The following SLC25A52 variants were observed in gnomAD, a reference collection of about 807,000 sequenced individuals.
SLC25A52 encodes the protein mitochondrial nicotinamide adenine dinucleotide transporter SLC25A52.
SLC25A52 carries 12 observed loss-of-function variants against 17.7 expected under a neutral mutation model. The ratio of observed to expected loss-of-function variants is 0.68; its 90% CI spans 0.43 to 1.10. SLC25A52 has a LOEUF of 1.10. Ranked by LOEUF, SLC25A52 falls within the 50% of genes least tolerant of loss-of-function variation. SLC25A52 has a pLI of 0.00. For missense variants in SLC25A52, 298 were observed against 364.9 expected (o/e 0.82, Z 1.49); for synonymous variants, 108 against 135.1 (o/e 0.80, Z 1.39).
At position 31,759,916 on chromosome 18, in the gene SLC25A52, G is replaced by A. The variant is rs1322750621; in HGVS notation, c.746C>T (p.Ser249Phe). Residue 249 changes from serine (S) to phenylalanine (F), a missense_variant, in exon 1 of 1, where the codon TCT (serine) becomes TTT (phenylalanine). Physicochemically the swap from Ser to Phe is radical, Grantham distance 155. Coordinates refer to ENST00000269205, the MANE Select transcript of SLC25A52 (RefSeq NM_001034172.4). ...LQSQIGGEFQ[S>F]FPKVFQKIWL... ...GATTTTTTGGAAAACCTTGGGGAAAGACTGAAATTCCCCACCAATCTGAGA... is the reference window on the plus strand; with the variant it reads ...GATTTTTTGGAAAACCTTGGGGAAAAACTGAAATTCCCCACCAATCTGAGA... 2.5e-6 allele frequency: 4 copies of A among 1,612,002 alleles called. No individual in the cohort carries two copies. In the South Asian group the frequency reaches 4.4e-5, roughly 18 times the overall value.
Position 31,760,545 on chromosome 18 carries a change from A to C in SLC25A52, c.117T>G (p.Cys39Trp), listed in dbSNP as rs747934211. The stretch of plus-strand genomic sequence containing the variant: ...TGATTGCGACGTTGTTGAAGGCTGC[A>C]CAGCAGCCACACAAGTAATGCTTCA... ...GEMKHYLCGC[C>W]AAFNNVAITY... Residue 39 changes from cysteine to tryptophan, a missense_variant, in exon 1 of 1, where the codon TGT (cysteine) becomes TGG (tryptophan). Coordinates refer to ENST00000269205, the MANE Select transcript of SLC25A52 (RefSeq NM_001034172.4). 6.2e-7 allele frequency: 1 copy of C among 1,614,230 alleles called. No homozygotes were observed. Among genetic ancestry groups the C allele is most frequent in the Non-Finnish European group, 8.5e-7 (1 of 1,180,042 alleles).
rs557842901 is a variant in SLC25A52, at chr18:31,760,325, C to T, written c.337G>A (p.Val113Ile). ...TGGGTTGCAAACTCTGGAGCACGGA[C>T]ATGCTTCCGGAGAAGGCAGGATAAA... is the stretch of plus-strand genomic sequence containing the variant. ...EDLSCLLRKH[V>I]RAPEFATHGV... The change falls in exon 1 of 1, where the codon GTC becomes ATC. Residue 113 changes from valine to isoleucine, a missense_variant. Physicochemically the swap from Val to Ile is conservative, Grantham distance 29. Coordinates refer to ENST00000269205, the MANE Select transcript of SLC25A52 (RefSeq NM_001034172.4). The T allele has an allele frequency of 7.6e-5, 122 of 1,614,176 alleles. No individual in the cohort carries two copies. In the South Asian group the frequency reaches 1.1e-3, roughly 15 times the overall value.
Position 31,759,971 on chromosome 18 carries a change from G to A in SLC25A52, c.691C>T (p.Pro231Ser). Residue 231 changes from proline (P) to serine (S), a missense_variant, in exon 1 of 1, where the codon CCA (proline) becomes TCA (serine). By Grantham distance (74) the Pro-to-Ser change is moderately conservative. Coordinates refer to ENST00000269205, the MANE Select transcript of SLC25A52 (RefSeq NM_001034172.4). ...AGGCGAGTTTTTACAACATTAATTG[G>A]AAAACACAAGAATCCCAACATGGCA... The part of the protein sequence containing the change: ...LGAMLGFLCF[P>S]INVVKTRLQS... The A allele has an allele frequency of 6.2e-7, 1 of 1,611,856 alleles. No homozygotes were observed. Among genetic ancestry groups the A allele is most frequent in the Non-Finnish European group, 8.5e-7 (1 of 1,179,846 alleles).
chr18:31,759,790 T>C lies in SLC25A52; in HGVS notation c.872A>G (p.Glu291Gly), dbSNP rs781001898. ...ISWGIINATY[E>G]FLLKFI ...TTTTCATATAAATTTTAACAAGAACTCATAAGTTGCATTGATTATGCCCCA... is the reference window on the plus strand; with the variant it reads ...TTTTCATATAAATTTTAACAAGAACCCATAAGTTGCATTGATTATGCCCCA... Residue 291 changes from glutamate to glycine, a missense_variant, in exon 1 of 1, where the codon GAG (glutamate) becomes GGG (glycine). Coordinates refer to ENST00000269205, the MANE Select transcript of SLC25A52 (RefSeq NM_001034172.4). 3.1e-6 allele frequency: 5 copies of C among 1,601,178 alleles called. No individual in the cohort carries two copies. In the South Asian group the frequency reaches 5.7e-5, roughly 18 times the overall value.
At position 31,759,968 on chromosome 18, in the gene SLC25A52, T is replaced by C. The variant is rs759792825; in HGVS notation, c.694A>G (p.Ile232Val). ...GAMLGFLCFP[I>V]NVVKTRLQSQ... ...TGTAGGCGAGTTTTTACAACATTAATTGGAAAACACAAGAATCCCAACATG... is the reference window on the plus strand; with the variant it reads ...TGTAGGCGAGTTTTTACAACATTAACTGGAAAACACAAGAATCCCAACATG... Residue 232 changes from isoleucine (I) to valine (V), a missense_variant, in exon 1 of 1, where the codon ATT (isoleucine) becomes GTT (valine). Transcript: ENST00000269205. 4.3e-6 allele frequency: 7 copies of C among 1,611,886 alleles called. No homozygotes were observed. Among genetic ancestry groups the C allele is most frequent in the East Asian group, 2.2e-5 (1 of 44,888 alleles).
Position 31,759,959 on chromosome 18 carries a change from C to T in SLC25A52, c.703G>A (p.Val235Ile). The change falls in exon 1 of 1, where the codon GTA becomes ATA. Residue 235 changes from valine (V) to isoleucine (I), a missense_variant. Physicochemically the swap from Val to Ile is conservative, Grantham distance 29. Coordinates refer to ENST00000269205, the MANE Select transcript of SLC25A52 (RefSeq NM_001034172.4). ...ATCTGAGACTGTAGGCGAGTTTTTA[C>T]AACATTAATTGGAAAACACAAGAAT... ...LGFLCFPINV[V>I]KTRLQSQIGG... is the part of the protein sequence containing the mutation. 1 of 1,611,806 alleles carries T rather than the reference C, an allele frequency of 6.2e-7. No homozygotes were observed. The highest frequency in any genetic ancestry group is 8.5e-7 in the Non-Finnish European group (1 of 1,179,744).
rs2031485591 is a variant in SLC25A52, at chr18:31,760,212, A to C, written c.450T>G (p.His150Gln). Residue 150 changes from histidine (H) to glutamine (Q), a missense_variant, in exon 1 of 1, where the codon CAT (histidine) becomes CAG (glutamine). Physicochemically the swap from His to Gln is conservative, Grantham distance 24 (BLOSUM62 0). Transcript: ENST00000269205. ...RVQTLLQNHK[H>Q]HDKFTNTYQA... ...GATAAGTGTTGGTAAATTTGTCATG[A>C]TGCTTGTGGTTTTGAAGCAATGTCT... 3.1e-6 allele frequency: 5 copies of C among 1,613,992 alleles called. No individual in the cohort carries two copies. The highest frequency in any genetic ancestry group is 4.2e-6 in the Non-Finnish European group (5 of 1,179,860).
At position 31,760,439 on chromosome 18, in the gene SLC25A52, C is replaced by T. The variant is rs774165851; in HGVS notation, c.223G>A (p.Asp75Asn). 2 of 1,614,102 alleles carry T rather than the reference C, an allele frequency of 1.2e-6. No individual in the cohort carries two copies. The highest frequency in any genetic ancestry group is 2.7e-5 in the African/African-American group (2 of 74,924). The part of the protein sequence containing the change: ...TRDAVLQLRR[D>N]GFRNLYRGIL... The stretch of plus-strand genomic sequence containing the variant: ...CCACGATACAAATTTCGAAATCCAT[C>T]CCTTCTCAACTGAAGTACTGCATCC... Residue 75 changes from aspartate to asparagine, a missense_variant, in exon 1 of 1, where the codon GAT (aspartate) becomes AAT (asparagine). Physicochemically the swap from Asp to Asn is conservative, Grantham distance 23. Coordinates refer to ENST00000269205, the MANE Select transcript of SLC25A52 (RefSeq NM_001034172.4).
rs146696186 is a variant in SLC25A52 at position 31,760,065 on chromosome 18, C to G, written c.597G>C (p.Glu199Asp). ...LFFGLRGPIK[E>D]HLPTATTHSA... ...TGTGAGTCGTTGCGGTAGGCAGATG[C>G]TCCTTAATGGGACCTCGAAGGCCGA... is the stretch of plus-strand genomic sequence containing the variant. The change falls in exon 1 of 1, where the codon GAG becomes GAC. Residue 199 changes from glutamate (E) to aspartate (D), a missense_variant. Glu to Asp is a conservative substitution (Grantham distance 45, BLOSUM62 2). Coordinates refer to ENST00000269205, the MANE Select transcript of SLC25A52 (RefSeq NM_001034172.4). The G allele has an allele frequency of 5.0e-5, 80 of 1,612,002 alleles. No homozygotes were observed. The African/African-American group carries it at 1.1e-3, about 22-fold the overall frequency.
rs748321666 is a variant in SLC25A52, at chr18:31,760,401, T to C, written c.261A>G (p.Pro87=). 29 of 1,614,088 alleles carry C rather than the reference T, an allele frequency of 1.8e-5. No individual in the cohort carries two copies. The highest frequency in any genetic ancestry group is 2.4e-5 in the Non-Finnish European group (28 of 1,180,046). ...FRNLYRGILP[P]LMQKTTTLAL... ...CAAGCGTAGTTGTCTTCTGCATCAA[T>C]GGGGGAAGGATTCCACGATACAAAT... Residue 87 remains proline, a synonymous_variant, in exon 1 of 1, where the codon CCA becomes CCG. Coordinates refer to ENST00000269205, the MANE Select transcript of SLC25A52 (RefSeq NM_001034172.4).
In SLC25A52 at chr18:31,760,401, T is replaced by A. The variant is rs748321666; in HGVS notation, c.261A>T (p.Pro87=). Residue 87 remains proline, a synonymous_variant, in exon 1 of 1, where the codon CCA becomes CCT. Coordinates refer to ENST00000269205, the MANE Select transcript of SLC25A52 (RefSeq NM_001034172.4). Reference sequence around the variant, plus strand: ...CAAGCGTAGTTGTCTTCTGCATCAATGGGGGAAGGATTCCACGATACAAAT... The same window carrying A: ...CAAGCGTAGTTGTCTTCTGCATCAAAGGGGGAAGGATTCCACGATACAAAT... ...FRNLYRGILP[P]LMQKTTTLAL... 1.2e-6 allele frequency: 2 copies of A among 1,614,206 alleles called. No homozygotes were observed. The highest frequency in any genetic ancestry group is 3.3e-5 in the Admixed American group (2 of 60,028).
In SLC25A52 at chr18:31,759,968, T is replaced by A; in HGVS notation, c.694A>T (p.Ile232Phe). The change falls in exon 1 of 1, where the codon ATT becomes TTT. Residue 232 changes from isoleucine to phenylalanine, a missense_variant. Physicochemically the swap from Ile to Phe is conservative, Grantham distance 21. Transcript: ENST00000269205. ...GAMLGFLCFP[I>F]NVVKTRLQSQ... ...TGTAGGCGAGTTTTTACAACATTAA[T>A]TGGAAAACACAAGAATCCCAACATG... 4 of 1,612,004 alleles carry A rather than the reference T, an allele frequency of 2.5e-6. No homozygotes were observed. Among genetic ancestry groups the A allele is most frequent in the Non-Finnish European group, 2.5e-6 (3 of 1,179,842 alleles).
chr18:31,760,067 C>A lies in SLC25A52; in HGVS notation c.595G>T (p.Glu199Ter), dbSNP rs770197608. The change falls in exon 1 of 1, where the codon GAG (glutamate) becomes TAG (stop). Residue 199 changes from glutamate (E) to a stop codon, truncating the protein, a stop_gained. Transcript: ENST00000269205. LOFTEE classifies it high-confidence loss of function. ...TGAGTCGTTGCGGTAGGCAGATGCT[C>A]CTTAATGGGACCTCGAAGGCCGAAA... is the stretch of plus-strand genomic sequence containing the variant. ...LFFGLRGPIKEHLPTATTHSA... is the reference protein window; with the variant it reads ...LFFGLRGPIK 1.7e-5 allele frequency: 27 copies of A among 1,611,864 alleles called. 2 individuals are homozygous for A. The South Asian group carries it at 3.0e-4, about 18-fold the overall frequency.
rs2031470802 is a variant in SLC25A52 at position 31,759,667 on chromosome 18, T to C, written c.*101A>G. 3 of 1,366,186 alleles carry C rather than the reference T, an allele frequency of 2.2e-6. No homozygotes were observed. The highest frequency in any genetic ancestry group is 3.0e-6 in the Non-Finnish European group (3 of 1,006,152). 84.6% of individuals were successfully genotyped at this position (1,366,186 alleles called of 1,614,324 possible). On this transcript the variant is annotated 3_prime_UTR_variant, in exon 1 of 1. Coordinates refer to ENST00000269205, the MANE Select transcript of SLC25A52 (RefSeq NM_001034172.4). ...CGTAACTCACTGTGGCCTGGAGTTATGACACGAACTTGTATTTGGCCAATT... is the reference window on the plus strand; with the variant it reads ...CGTAACTCACTGTGGCCTGGAGTTACGACACGAACTTGTATTTGGCCAATT...
chr18:31,760,117 C>T lies in SLC25A52; in HGVS notation c.545G>A (p.Arg182Gln), dbSNP rs752237995. Residue 182 changes from arginine (R) to glutamine (Q), a missense_variant, in exon 1 of 1, where the codon CGG (arginine) becomes CAG (glutamine). Arg to Gln is a conservative substitution (Grantham distance 43, BLOSUM62 1). Transcript: ENST00000269205. ...AAACAAGACATTGCTGAGTCCATTC[C>T]GGAAAAGAATGGGCACCAAGCCTCG... is the stretch of plus-strand genomic sequence containing the variant. ...YYRGLVPILF[R>Q]NGLSNVLFFG... 9.3e-6 allele frequency: 15 copies of T among 1,612,478 alleles called. No homozygotes were observed. The South Asian group carries it at 1.6e-4, about 18-fold the overall frequency.
chr18:31,760,720 G>A lies in SLC25A52; in HGVS notation c.-59C>T, dbSNP rs2031500076. 6.5e-7 allele frequency: 1 copy of A among 1,532,252 alleles called. No homozygotes were observed. Among genetic ancestry groups the A allele is most frequent in the South Asian group, 1.3e-5 (1 of 76,226 alleles). The allele number at this position is 1,532,252 out of a possible 1,614,324, so 94.9% of individuals were successfully genotyped here. A position where few individuals can be genotyped will look rare whatever the true frequency, so the allele number is the denominator to read the frequency against. On this transcript the variant is annotated 5_prime_UTR_variant, in exon 1 of 1. Coordinates refer to ENST00000269205, the MANE Select transcript of SLC25A52 (RefSeq NM_001034172.4). ...TTAACCTGTGACATCATCTGAGCCT[G>A]GAGTTTGGCAGGATGATAGCTTTGT...
In SLC25A52 at chr18:31,760,835, G is replaced by C. The variant is rs2031502077; in HGVS notation, c.-174C>G. 1 of 996,544 alleles carries C rather than the reference G, an allele frequency of 1.0e-6. No homozygotes were observed. Among genetic ancestry groups the C allele is most frequent in the African/African-American group, 1.6e-5 (1 of 60,834 alleles). 61.7% of individuals were successfully genotyped at this position (996,544 alleles called of 1,614,324 possible). A position where few individuals can be genotyped will look rare whatever the true frequency, so the allele number is the denominator to read the frequency against. ...TGATAACTGGATTTCCGTTCTCCAGGCGTCCATTTCCCCAACCCATCGCCG... is the reference window on the plus strand; with the variant it reads ...TGATAACTGGATTTCCGTTCTCCAGCCGTCCATTTCCCCAACCCATCGCCG... On this transcript the variant is annotated 5_prime_UTR_variant, in exon 1 of 1. Coordinates refer to ENST00000269205, the MANE Select transcript of SLC25A52 (RefSeq NM_001034172.4).
rs747072457 is a variant in SLC25A52 at position 31,760,412 on chromosome 18, T to A, written c.250A>T (p.Ile84Phe). 2.5e-6 allele frequency: 4 copies of A among 1,614,082 alleles called. No individual in the cohort carries two copies. The highest frequency in any genetic ancestry group is 3.4e-6 in the Non-Finnish European group (4 of 1,180,048). The change falls in exon 1 of 1, where the codon ATC becomes TTC. Residue 84 changes from isoleucine (I) to phenylalanine (F), a missense_variant. By Grantham distance (21) the Ile-to-Phe change is conservative (BLOSUM62 0). Transcript: ENST00000269205. ...GTCTTCTGCATCAATGGGGGAAGGA[T>A]TCCACGATACAAATTTCGAAATCCA... The part of the protein sequence containing the change: ...RDGFRNLYRG[I>F]LPPLMQKTTT...
In SLC25A52 at chr18:31,760,563, AT is replaced by A. The variant is rs549585320; in HGVS notation, c.98del (p.His33LeufsTer40). On this transcript the variant is annotated frameshift_variant, in exon 1 of 1. Coordinates refer to ENST00000269205, the MANE Select transcript of SLC25A52 (RefSeq NM_001034172.4). LOFTEE classifies it high-confidence loss of function. ...PHITNVGEMK[H>X]YLCGCCAAFN... ...AGGCTGCACAGCAGCCACACAAGTA[AT>A]GCTTCATTTCACCAACATTTGTAAT... The A allele has an allele frequency of 2.7e-4, 432 of 1,614,196 alleles. 7 individuals carry two copies. The South Asian group carries it at 4.4e-3, about 16-fold the overall frequency.
Sources: gnomAD v4.1 joint callset for allele counts on GRCh38, gnomAD v4.1.1 for gene constraint, MANE v1.5 for transcripts, NCBI Gene and HGNC (gene_info 2026-07-23, HGNC 2026-07-21) for gene names.